KLF8: variants seen among roughly 807,000 people sequenced by gnomAD.
KLF8 encodes KLF transcription factor 8.
In KLF8, 10 loss-of-function variants were observed where a neutral mutation model predicts 18.2. The ratio of observed to expected loss-of-function variants is 0.55; its 90% confidence interval spans 0.34 to 0.93. KLF8 has a LOEUF of 0.93. Among genes scored for constraint, KLF8 ranks in the 40% least tolerant of loss-of-function variants. The pLI is 0.02. For missense variants in KLF8, 264 were observed against 277.9 expected, an observed-to-expected ratio of 0.95 and a Z score of 0.36; for synonymous variants, 109 against 97.3, an observed-to-expected ratio of 1.12 and a Z score of -0.71.
At chrX:56,222,963 C>G in the KLF8 span, among the ~76,000 whole-genome samples, 1 of 112,891 alleles carries the variant, frequency 8.9e-6, no homozygotes, top group African/African-American at 3.2e-5. Context: ...GCTGAGGGAG[C>G]TGGCTCTGGC....
chrX:55,990,264 G>A, the KLF8 span, among the ~76,000 whole-genome samples: 2 of 111,344 alleles, frequency 1.8e-5, no homozygotes, highest in Non-Finnish European at 3.8e-5. Flanking sequence ...GTTTGCTGTT[G>A]CTTCTCTAGT....
chrX:56,203,422 T>C, the KLF8 span, among the ~76,000 whole-genome samples: 1 of 112,148 alleles, frequency 8.9e-6, no homozygotes, highest in African/African-American at 3.2e-5. Flanking sequence ...AGAAGCTTTC[T>C]AACTTCATGT....
chrX:56,222,606 C>T, the KLF8 span, among the ~76,000 whole-genome samples: 1 of 112,971 alleles, frequency 8.9e-6, no homozygotes, highest in Non-Finnish European at 1.9e-5. Flanking sequence ...TGGGCCTGCA[C>T]TCCTCAGCCC....
At chrX:56,270,857 C>T (rs2067048069) in intron 5 of KLF8, among the ~76,000 whole-genome samples, 1 of 111,078 alleles carries the variant, frequency 9.0e-6, no homozygotes, top group South Asian at 3.8e-4. Flanking sequence ...GGTAGTGATC[C>T]TGTCAAACCG....
chrX:56,102,912 C>T, the KLF8 span, among the ~76,000 whole-genome samples: 1 of 81,011 alleles, frequency 1.2e-5, no homozygotes, highest in Admixed American at 1.5e-4. Context: ...TCCCCCCACC[C>T]CACAACAGTC....
chrX:56,112,982 G>C, the KLF8 span, among the ~76,000 whole-genome samples: 2 of 110,654 alleles, frequency 1.8e-5, no homozygotes, highest in African/African-American at 6.6e-5. Flanking sequence ...GGAGGCCAAG[G>C]AGTGGGGATC....
the KLF8 span, among the ~76,000 whole-genome samples, chrX:56,187,552 C>G: frequency 9.0e-6 from 1 of 111,451 alleles, no homozygotes; most frequent in Non-Finnish European, 1.9e-5. Flanking sequence ...ATACCAAAGC[C>G]GGGCAGAGAC....
At chrX:55,947,707 G>T in the KLF8 span, among the ~76,000 whole-genome samples, 1 of 111,401 alleles carries the variant, frequency 9.0e-6, no homozygotes, top group African/African-American at 3.3e-5. Context: ...CTTTTTCTTT[G>T]AGTTTTGTGC....
At chrX:55,977,790 G>C in the KLF8 span, among the ~76,000 whole-genome samples, 1 of 111,464 alleles carries the variant, frequency 9.0e-6, no homozygotes, top group African/African-American at 3.3e-5. Context: ...GCTAAGTAGA[G>C]TTGAAATTGT....
At chrX:56,173,166 T>C in the KLF8 span, among the ~76,000 whole-genome samples, 3 of 112,008 alleles carry the variant, frequency 2.7e-5, no homozygotes, top group Admixed American at 9.5e-5. Flanking sequence ...AGACATGAAG[T>C]CCTTGCCCAT....
chrX:56,145,607 AATAT>A, the KLF8 span, among the ~76,000 whole-genome samples: 19 of 112,766 alleles, frequency 1.7e-4, no homozygotes, highest in East Asian at 1.1e-3. Flanking sequence ...CAAACAATGG[AATAT>A]TATTCCGTTA....
chrX:56,249,047 C>T (rs2066666955), intron 1 of KLF8, among the ~76,000 whole-genome samples: 1 of 112,240 alleles, frequency 8.9e-6, no homozygotes, highest in African/African-American at 3.2e-5. Context: ...CTGCAAGGAG[C>T]TCAGATTCTA....
chrX:56,263,101 TA>T (rs1484549684), intron 2 of KLF8, among the ~76,000 whole-genome samples: 1 of 111,692 alleles, frequency 9.0e-6, no homozygotes, highest in Non-Finnish European at 1.9e-5. Context: ...GTAGGAAAAA[TA>T]AGAGCTTAAG....
At chrX:56,169,980 G>C in the KLF8 span, among the ~76,000 whole-genome samples, 4 of 111,348 alleles carry the variant, frequency 3.6e-5, no homozygotes, top group African/African-American at 1.3e-4. Context: ...AGTTGCAGGT[G>C]GATCAGAACA....
At chrX:56,193,705 T>G in the KLF8 span, among the ~76,000 whole-genome samples, 3 of 111,854 alleles carry the variant, frequency 2.7e-5, no homozygotes, top group African/African-American at 9.7e-5. Context: ...CTAAGTGAAA[T>G]AAGCCAAGCA....
chrX:56,024,208 T>C, the KLF8 span, among the ~76,000 whole-genome samples: 1 of 97,445 alleles, frequency 1.0e-5, no homozygotes, highest in East Asian at 2.8e-4. Flanking sequence ...GTCTTTTTAA[T>C]TTCTTTTTTT....
In KLF8 at chrX:56,287,240, C is replaced by G. The variant is rs750919526; in HGVS notation, c.*2746C>G. 7.2e-5 allele frequency: 8 copies of G among 111,623 alleles called. No individual in the cohort carries two copies. Among genetic ancestry groups the G allele is most frequent in the African/African-American group, 2.6e-4 (8 of 30,802 alleles). 9.2% of individuals were successfully genotyped at this position (111,623 alleles called of 1,213,427 possible). ...CTATAGTAAAGAAGCAATTTTAAGC[C>G]TATTCTCATTTCCCTCTCCCCTACA... is the stretch of plus-strand genomic sequence containing the variant. On this transcript the variant is annotated 3_prime_UTR_variant, in exon 6 of 6. Transcript: ENST00000468660.
the KLF8 span, among the ~76,000 whole-genome samples, chrX:55,994,016 T>G: frequency 9.3e-6 from 1 of 108,027 alleles, no homozygotes; most frequent in Non-Finnish European, 1.9e-5. Flanking sequence ...GTTCAAGAGA[T>G]TCTCCTGCCT....
At chrX:56,049,800 T>G in the KLF8 span, among the ~76,000 whole-genome samples, 1 of 110,062 alleles carries the variant, frequency 9.1e-6, no homozygotes, top group Non-Finnish European at 1.9e-5. Flanking sequence ...TTAGGGAGGA[T>G]TCCCTCTTTT....
Sources: allele counts gnomAD v4.1 joint callset (sites outside exome capture counted in the v4.1 genomes callset), GRCh38; gene constraint gnomAD v4.1.1; transcripts MANE v1.5; gene names NCBI Gene and HGNC (gene_info 2026-07-23, HGNC 2026-07-21).